Variants in ACADL observed in about 807,000 individuals in gnomAD.
ACADL encodes long-chain specific acyl-CoA dehydrogenase, mitochondrial.
ACADL carries 60 observed loss-of-function variants against 56.9 expected under a neutral mutation model. The observed-to-expected ratio is 1.05, with a 90% CI of 0.86 to 1.31. ACADL has a LOEUF of 1.31. Among genes scored for constraint, ACADL ranks in the 50% most tolerant of loss-of-function variants. The pLI, the probability that ACADL is intolerant of heterozygous loss-of-function variation, is 0.00. For synonymous variants in ACADL, 158 were observed against 179.7 expected (o/e 0.88, Z 0.97); for missense variants, 484 against 525.5 (o/e 0.92, Z 0.77).
chr2:210,194,000 T>G (rs1688673031), intron 9 of ACADL, among the ~76,000 whole-genome samples: 1 of 152,200 alleles, frequency 6.6e-6, no homozygotes, highest in African/African-American at 2.4e-5. Flanking sequence ...CAATAATATT[T>G]GGATTTCTCT....
intron 10 of ACADL, among the ~76,000 whole-genome samples, chr2:210,189,406 T>C (rs1224470914): frequency 1.3e-5 from 2 of 152,180 alleles, no homozygotes; most frequent in Non-Finnish European, 2.9e-5. Context: ...GATGTCTTAG[T>C]TTCTTTTTAT....
intron 8 of ACADL, among the ~76,000 whole-genome samples, chr2:210,201,529 C>A (rs1688792905): frequency 6.6e-6 from 1 of 152,136 alleles, no homozygotes; most frequent in Admixed American, 6.5e-5. Context: ...GAGAACACGA[C>A]TAGACTACGG....
rs1215575461 is a variant in ACADL at position 210,187,950 on chromosome 2, TA to T, written c.*1010del. The T allele has an allele frequency of 6.6e-6, 1 of 152,252 alleles. No individual in the cohort carries two copies. Among genetic ancestry groups the T allele is most frequent in the Non-Finnish European group, 1.5e-5 (1 of 68,044 alleles). The allele number at this position is 152,252 out of a possible 1,614,324, so 9.4% of individuals were successfully genotyped here. A position where few individuals can be genotyped will look rare whatever the true frequency, so the allele number is the denominator to read the frequency against. ...CTTTAAATTAATGGTTTATTTTTTG[TA>T]ATTACTTTTAAGTCTTAAATCAAAT... On this transcript the variant is annotated 3_prime_UTR_variant, in exon 11 of 11. Coordinates refer to ENST00000233710, the MANE Select transcript of ACADL (RefSeq NM_001608.4).
At position 210,220,809 on chromosome 2, in the gene ACADL, A is replaced by T. The variant is rs778542467; in HGVS notation, c.78-7T>A. On this transcript the variant is annotated splice_polypyrimidine_tract_variant and splice_region_variant and intron_variant, in intron 1 of 10. Transcript: ENST00000233710. Reference sequence around the variant, plus strand: ...CCCTCCGGAATGAGAACATCTTAAAAATATATATATGCAATAGGAAAAGTA... The same window carrying T: ...CCCTCCGGAATGAGAACATCTTAAATATATATATATGCAATAGGAAAAGTA... The T allele has an allele frequency of 3.3e-5, 52 of 1,584,596 alleles. No individual in the cohort carries two copies. In the Admixed American group the frequency reaches 6.8e-4, roughly 21 times the overall value.
At chr2:210,221,754 A>C (rs1321332609) in intron 1 of ACADL, among the ~76,000 whole-genome samples, 1 of 142,296 alleles carries the variant, frequency 7.0e-6, no homozygotes, top group African/African-American at 2.7e-5. Flanking sequence ...TTTGAGATGG[A>C]GTCTGGCTCT....
rs1207296437 is a variant in ACADL at position 210,189,072 on chromosome 2, T to C, written c.1200-18A>G. The C allele has an allele frequency of 6.5e-7, 1 of 1,539,232 alleles. No homozygotes were observed. The highest frequency in any genetic ancestry group is 9.0e-7 in the Non-Finnish European group (1 of 1,112,170). On this transcript the variant is annotated intron_variant, in intron 10 of 10. Coordinates refer to ENST00000233710, the MANE Select transcript of ACADL (RefSeq NM_001608.4). ...CATAAGCTCTGGATAAATCAGATGA[T>C]TGAATGAATAAATAAAATATATTAG...
chr2:210,195,430 A>G (rs959372949), intron 8 of ACADL, 92 bp from the exon 9 acceptor site: 50 of 1,359,410 alleles, frequency 3.7e-5, no homozygotes, highest in Non-Finnish European at 5.1e-5. Context: ...ACAATAAAAG[A>G]TCTTTAGGGC....
chr2:210,218,170 C>G, intron 2 of ACADL, 68 bp from the exon 3 acceptor site: 2 of 1,421,568 alleles, frequency 1.4e-6, no homozygotes, highest in Non-Finnish European at 1.9e-6. Context: ...CAACTTTGAA[C>G]TTATGAATGA....
At chr2:210,212,410 C>A (rs1250993366) in intron 4 of ACADL, among the ~76,000 whole-genome samples, 1 of 152,030 alleles carries the variant, frequency 6.6e-6, no homozygotes, top group Non-Finnish European at 1.5e-5. Flanking sequence ...AGTGACGAGG[C>A]AACAAGGCAA....
chr2:210,198,624 T>C (rs1039608420), intron 8 of ACADL, among the ~76,000 whole-genome samples: 1 of 152,096 alleles, frequency 6.6e-6, no homozygotes, highest in African/African-American at 2.4e-5. Flanking sequence ...AATAACAGTA[T>C]ATAGGTAAAG....
intron 8 of ACADL, among the ~76,000 whole-genome samples, chr2:210,197,612 A>G (rs1482402365): frequency 6.6e-6 from 1 of 152,226 alleles, no homozygotes; most frequent in African/African-American, 2.4e-5. Context: ...GACACTATGT[A>G]TGACACTTTA....
chr2:210,224,472 T>C (rs1689233258), intron 1 of ACADL: 1 of 985,284 alleles, frequency 1.0e-6, no homozygotes, highest in Non-Finnish European at 1.2e-6. Context: ...GCTTCCAATT[T>C]GTTTACCCAG....
At chr2:210,199,729 T>A (rs1222395540) in intron 8 of ACADL, among the ~76,000 whole-genome samples, 1 of 152,090 alleles carries the variant, frequency 6.6e-6, no homozygotes, top group Non-Finnish European at 1.5e-5. Flanking sequence ...AAAGGTATAT[T>A]TTTGTTTTTG....
At chr2:210,190,998 C>T (rs1431401978) in intron 10 of ACADL, among the ~76,000 whole-genome samples, 1 of 150,020 alleles carries the variant, frequency 6.7e-6, no homozygotes, top group African/African-American at 2.4e-5. Flanking sequence ...CTCACTGCAA[C>T]CTCCGCCTCT....
chr2:210,197,901 C>T (rs1358743801), intron 8 of ACADL, among the ~76,000 whole-genome samples: 1 of 152,188 alleles, frequency 6.6e-6, no homozygotes, highest in Non-Finnish European at 1.5e-5. Context: ...ACATAATTTA[C>T]TCTCTGAGGA....
chr2:210,224,296 T>C, intron 1 of ACADL: 1 of 523,684 alleles, frequency 1.9e-6, no homozygotes, highest in Non-Finnish European at 2.4e-6. Flanking sequence ...GTTAAGTATG[T>C]ATCCTAAAGA....
intron 10 of ACADL, among the ~76,000 whole-genome samples, 181 bp from the exon 11 acceptor site, chr2:210,189,235 T>G (rs1688594083): frequency 2.0e-5 from 3 of 151,988 alleles, no homozygotes. Flanking sequence ...AAAAAAACTA[T>G]TAAGATGTTA....
At chr2:210,202,912 A>G (rs919699328) in intron 8 of ACADL, among the ~76,000 whole-genome samples, 1 of 152,074 alleles carries the variant, frequency 6.6e-6, no homozygotes, top group African/African-American at 2.4e-5. Context: ...AATAATCTCC[A>G]TATCATTGTA....
At chr2:210,216,551 G>T (rs771675495) in intron 3 of ACADL, 40 bp from the exon 4 acceptor site, 5 of 1,537,478 alleles carry the variant, frequency 3.3e-6, no homozygotes, top group East Asian at 2.4e-5. Flanking sequence ...GCATAAAATA[G>T]CAATAAAAAA....
Sources: gnomAD v4.1 joint callset for allele counts (sites outside exome capture counted in the v4.1 genomes callset) on GRCh38, gnomAD v4.1.1 for gene constraint, MANE v1.5 for transcripts, NCBI Gene and HGNC (gene_info 2026-07-23, HGNC 2026-07-21) for gene names.